Variants in CSMD1 observed in about 807,000 individuals in gnomAD.
The protein encoded by CSMD1 is CUB and sushi domain-containing protein 1.
A neutral mutation model predicts 417.5 loss-of-function variants in CSMD1; 213 were observed. The ratio of observed to expected loss-of-function variants is 0.51; its 90% CI spans 0.46 to 0.57. The LOEUF (loss-of-function observed/expected upper bound fraction) is 0.57. CSMD1 is among the 20% of genes least tolerant of loss of function. The probability of loss-of-function intolerance (pLI) is 0.00; values close to 1 mark genes in which losing one functional copy is unlikely to be tolerated. For synonymous variants in CSMD1, 2,862 were observed against 1,736.8 expected (o/e 1.65, Z -16.11); for missense variants, 6,923 against 4,529.7 (o/e 1.53, Z -15.17).
chr8:3,547,851 C>G (rs558706991), intron 10 of CSMD1, among the ~76,000 whole-genome samples: 2 of 152,068 alleles, frequency 1.3e-5, no homozygotes, highest in Non-Finnish European at 2.9e-5. Flanking sequence ...AAAGGAATTT[C>G]GCTAGGTCAT....
intron 49 of CSMD1, among the ~76,000 whole-genome samples, chr8:3,069,982 G>A (rs1365151320): frequency 1.3e-5 from 2 of 152,230 alleles, no homozygotes; most frequent in South Asian, 2.1e-4. Flanking sequence ...AGCTGTCAAG[G>A]TGTATGGCTT....
chr8:4,791,131 AC>A (rs759622449), intron 1 of CSMD1, among the ~76,000 whole-genome samples: 3 of 145,874 alleles, frequency 2.1e-5, no homozygotes, highest in Non-Finnish European at 4.6e-5. Context: ...GGAGGGAGAA[AC>A]TTTTAAGTGA....
intron 5 of CSMD1, among the ~76,000 whole-genome samples, chr8:3,799,658 G>A (rs1001335871): frequency 1.3e-5 from 2 of 151,950 alleles, no homozygotes; most frequent in South Asian, 2.1e-4. Flanking sequence ...AACAAGTTAT[G>A]TATTTGAGGC....
chr8:4,331,759 G>A (rs994091324), intron 3 of CSMD1, among the ~76,000 whole-genome samples: 3 of 152,114 alleles, frequency 2.0e-5, no homozygotes, highest in Admixed American at 6.6e-5. Flanking sequence ...TTCGGTCCAT[G>A]TGCCAAGTCT....
At chr8:4,609,672 G>C (rs775024252) in intron 2 of CSMD1, among the ~76,000 whole-genome samples, 1 of 152,110 alleles carries the variant, frequency 6.6e-6, no homozygotes, top group Non-Finnish European at 1.5e-5. Flanking sequence ...AAGATTTTAC[G>C]CTGCAGATTG....
chr8:3,604,432 G>A (rs1801506931), intron 8 of CSMD1, among the ~76,000 whole-genome samples: 1 of 152,060 alleles, frequency 6.6e-6, no homozygotes, highest in Non-Finnish European at 1.5e-5. Flanking sequence ...TCTTAGCATT[G>A]CTGAGAGGAC....
intron 8 of CSMD1, among the ~76,000 whole-genome samples, chr8:3,604,531 C>T (rs1391792008): frequency 1.3e-5 from 2 of 151,986 alleles, no homozygotes; most frequent in African/African-American, 2.4e-5. Flanking sequence ...CATAGGATAC[C>T]AACCGAGATA....
intron 8 of CSMD1, among the ~76,000 whole-genome samples, chr8:3,615,661 T>G (rs898019606): frequency 4.6e-5 from 7 of 152,172 alleles, no homozygotes; most frequent in African/African-American, 1.7e-4. Context: ...TTACTCCAAT[T>G]TAACTAAAAA....
chr8:4,609,482 A>C (rs1184847999), intron 2 of CSMD1, among the ~76,000 whole-genome samples: 2 of 152,206 alleles, frequency 1.3e-5, no homozygotes, highest in Non-Finnish European at 2.9e-5. Context: ...TAATTGATTA[A>C]TATATGAATT....
chr8:4,933,401 G>A (rs1807387878), intron 1 of CSMD1, among the ~76,000 whole-genome samples: 1 of 152,022 alleles, frequency 6.6e-6, no homozygotes, highest in African/African-American at 2.4e-5. Flanking sequence ...CTGACCTTAT[G>A]GGGAAAAAAG....
chr8:4,605,024 C>A lies in CSMD1; in HGVS notation c.302+32318G>T, dbSNP rs114376649. Among the ~76,000 whole-genome samples, 510 of 152,248 alleles carry A rather than the reference C, an allele frequency of 3.3e-3. 4 individuals are homozygous for A. The highest frequency in any genetic ancestry group is 0.012 in the African/African-American group (490 of 41,548). ...GTCCAGAACATTAAAGCAACAACCC[C>A]CATGATATCTGTGGCTGGCCACCAA... On this transcript the variant is annotated intron_variant, in intron 2 of 69. Coordinates refer to ENST00000635120, the MANE Select transcript of CSMD1 (RefSeq NM_033225.6).
chr8:4,032,182 T>C, intron 3 of CSMD1, 83 bp from the exon 4 acceptor site: 1 of 957,404 alleles, frequency 1.0e-6, no homozygotes, highest in Non-Finnish European at 1.5e-6. Context: ...AGACACCATT[T>C]TTGAATTATT....
chr8:4,395,919 C>T (rs557942547), intron 3 of CSMD1, among the ~76,000 whole-genome samples: 3 of 152,286 alleles, frequency 2.0e-5, no homozygotes, highest in South Asian at 2.1e-4. Flanking sequence ...GTAAGTCTGA[C>T]AGTTTTTGTA....
At chr8:3,361,643 T>C (rs560211585) in intron 20 of CSMD1, among the ~76,000 whole-genome samples, 132 of 98,770 alleles carry the variant, frequency 1.3e-3, no homozygotes, top group African/African-American at 4.9e-3. Context: ...CAGAGCAAGA[T>C]TCCATCTCAA....
chr8:4,306,799 T>C (rs1458694770), intron 3 of CSMD1, among the ~76,000 whole-genome samples: 2 of 151,574 alleles, frequency 1.3e-5, no homozygotes, highest in South Asian at 2.1e-4. Flanking sequence ...TCTTCCATTC[T>C]CCATAGCACC....
chr8:3,783,282 A>G (rs187426221), intron 5 of CSMD1, among the ~76,000 whole-genome samples: 13 of 152,284 alleles, frequency 8.5e-5, no homozygotes, highest in Admixed American at 7.8e-4. Flanking sequence ...TGCAAAACTC[A>G]CCATTAGAAA....
Position 2,935,370 on chromosome 8 carries a change from A to G in CSMD1, c.*3215T>C, listed in dbSNP as rs1368910329. 6.6e-6 allele frequency: 1 copy of G among 152,192 alleles called. No individual in the cohort carries two copies. The highest frequency in any genetic ancestry group is 2.4e-5 in the African/African-American group (1 of 41,434). The allele number at this position is 152,192 out of a possible 1,614,324, so 9.4% of individuals were successfully genotyped here. ...CAGAAAAATAGAAATCTAAAATTAA[A>G]TATTTAATTAGAACTCTGATTTGCT... On this transcript the variant is annotated 3_prime_UTR_variant, in exon 70 of 70. Transcript: ENST00000635120.
intron 12 of CSMD1, among the ~76,000 whole-genome samples, chr8:3,433,862 T>A (rs1436412787): frequency 2.6e-5 from 4 of 152,194 alleles, no homozygotes; most frequent in Non-Finnish European, 5.9e-5. Flanking sequence ...CACTGGAAAT[T>A]GCTTCCTGCT....
At chr8:4,388,136 A>T (rs1346100025) in intron 3 of CSMD1, among the ~76,000 whole-genome samples, 1 of 152,178 alleles carries the variant, frequency 6.6e-6, no homozygotes, top group Non-Finnish European at 1.5e-5. Flanking sequence ...TAATTATTTA[A>T]AAACTTACTT....
Sources: gnomAD v4.1 joint callset for allele counts (sites outside exome capture counted in the v4.1 genomes callset) on GRCh38, gnomAD v4.1.1 for gene constraint, MANE v1.5 for transcripts, NCBI Gene and HGNC (gene_info 2026-07-23, HGNC 2026-07-21) for gene names.